Variants in PRKG1 observed in about 807,000 individuals in gnomAD.
PRKG1 encodes the protein protein kinase cGMP-dependent 1.
In PRKG1, 35 loss-of-function variants were observed where a neutral mutation model predicts 88.1. That is an observed-to-expected ratio of 0.40 (90% confidence interval 0.30 to 0.53). The LOEUF is 0.53. Ranked by LOEUF, PRKG1 falls within the 20% of genes least tolerant of loss-of-function variation. The pLI, the probability that PRKG1 is intolerant of heterozygous loss-of-function variation, is 0.59. For missense variants in PRKG1, 540 were observed against 839.8 expected, an observed-to-expected ratio of 0.64 and a Z score of 4.41; for synonymous variants, 303 against 292.5, an observed-to-expected ratio of 1.04 and a Z score of -0.37.
At chr10:51,716,147 C>G (rs952952681) in intron 3 of PRKG1, among the ~76,000 whole-genome samples, 1 of 152,228 alleles carries the variant, frequency 6.6e-6, no homozygotes, top group Non-Finnish European at 1.5e-5. Context: ...GCTGCTACTA[C>G]TGCTTGCTTC....
intron 2 of PRKG1, among the ~76,000 whole-genome samples, chr10:51,370,176 A>G (rs1000013243): frequency 6.6e-6 from 1 of 152,122 alleles, no homozygotes; most frequent in Non-Finnish European, 1.5e-5. Context: ...TGTGAGCCAG[A>G]GCTCCCTGCT....
At chr10:51,740,424 A>G (rs1432287276) in intron 3 of PRKG1, among the ~76,000 whole-genome samples, 19 of 152,370 alleles carry the variant, frequency 1.2e-4, no homozygotes, top group Admixed American at 4.6e-4. Flanking sequence ...TAACAAAACT[A>G]TTACATGTCA....
chr10:51,848,527 G>A (rs1433425580), intron 4 of PRKG1, among the ~76,000 whole-genome samples: 1 of 152,032 alleles, frequency 6.6e-6, no homozygotes, highest in Non-Finnish European at 1.5e-5. Context: ...GTTCTCAGAT[G>A]CCATCTAAAC....
intron 4 of PRKG1, among the ~76,000 whole-genome samples, chr10:51,874,744 T>C (rs1841250977): frequency 6.6e-6 from 1 of 152,208 alleles, no homozygotes; most frequent in Non-Finnish European, 1.5e-5. Context: ...TTTGTTTTTC[T>C]CCCTAGAAAA....
chr10:52,030,626 C>G (rs1487611200), intron 5 of PRKG1, among the ~76,000 whole-genome samples: 1 of 152,126 alleles, frequency 6.6e-6, no homozygotes, highest in Non-Finnish European at 1.5e-5. Flanking sequence ...AGGGAAGAAA[C>G]AGAGGAACTC....
rs180896215 is a variant in PRKG1 at position 51,218,830 on chromosome 10, A to C, written c.478+65500A>C. 1.7e-3 allele frequency among the ~76,000 whole-genome samples: 260 copies of C among 152,066 alleles called. 2 individuals carry two copies. Among genetic ancestry groups the C allele is most frequent in the African/African-American group, 6.0e-3 (247 of 41,498 alleles). ...CATAATTAATATCAATAAATATCAA[A>C]GAAAGGAAGGAGAGAGGGAGGGAGT... is the stretch of plus-strand genomic sequence containing the variant. On this transcript the variant is annotated intron_variant, in intron 2 of 17. Coordinates refer to ENST00000373980, the MANE Select transcript of PRKG1 (RefSeq NM_006258.4).
At chr10:52,186,610 T>G (rs2132742522) in intron 9 of PRKG1, among the ~76,000 whole-genome samples, 1 of 152,172 alleles carries the variant, frequency 6.6e-6, no homozygotes, top group Non-Finnish European at 1.5e-5. Context: ...TCTTGTACAT[T>G]GTAGCATGTT....
chr10:51,520,562 T>C (rs772501786), intron 3 of PRKG1, among the ~76,000 whole-genome samples: 1 of 152,034 alleles, frequency 6.6e-6, no homozygotes, highest in Non-Finnish European at 1.5e-5. Flanking sequence ...ATAATAAACA[T>C]TTTTAGATGA....
intron 1 of PRKG1, among the ~76,000 whole-genome samples, chr10:51,046,389 A>G (rs997205148): frequency 2.6e-5 from 4 of 152,346 alleles, no homozygotes; most frequent in African/African-American, 9.6e-5. Flanking sequence ...AAGAGAAGGC[A>G]GTGCTGGCAT....
chr10:51,206,883 A>G lies in PRKG1; in HGVS notation c.478+53553A>G, dbSNP rs186942960. ...GAAATCAAGTGATAGTAGTGATAGTATATCATTCATATGATACATTCAGCC... is the reference window on the plus strand; with the variant it reads ...GAAATCAAGTGATAGTAGTGATAGTGTATCATTCATATGATACATTCAGCC... On this transcript the variant is annotated intron_variant, in intron 2 of 17. Transcript: ENST00000373980. Among the ~76,000 whole-genome samples, 141 of 152,334 alleles carry G rather than the reference A, an allele frequency of 9.3e-4. 1 individual carries two copies. The highest frequency in any genetic ancestry group is 3.1e-3 in the African/African-American group (128 of 41,576).
intron 1 of PRKG1, among the ~76,000 whole-genome samples, chr10:51,151,950 A>G (rs1846083847): frequency 6.6e-6 from 1 of 152,014 alleles, no homozygotes; most frequent in South Asian, 2.1e-4. Context: ...GGAAATGAGG[A>G]CTAAGGTCAG....
Position 51,440,747 on chromosome 10 carries a change from G to A in PRKG1, c.479-26976G>A, listed in dbSNP as rs77056417. ...TTTGTCAATCCAATGCTTCCGCCAT[G>A]GTGAAATGCTATTGCATTTTTCTGC... is the stretch of plus-strand genomic sequence containing the variant. On this transcript the variant is annotated intron_variant, in intron 2 of 17. Coordinates refer to ENST00000373980, the MANE Select transcript of PRKG1 (RefSeq NM_006258.4). Among the ~76,000 whole-genome samples the A allele has an allele frequency of 3.3e-3, 497 of 151,990 alleles. 2 individuals carry two copies. Among genetic ancestry groups the A allele is most frequent in the African/African-American group, 0.011 (475 of 41,510 alleles).
chr10:52,203,603 A>G (rs928859619), intron 9 of PRKG1, among the ~76,000 whole-genome samples: 4 of 152,156 alleles, frequency 2.6e-5, no homozygotes, highest in African/African-American at 9.6e-5. Context: ...GATCTATCTA[A>G]CAAGTGGTGT....
At chr10:51,584,201 C>T (rs1210837905) in intron 3 of PRKG1, among the ~76,000 whole-genome samples, 1 of 151,990 alleles carries the variant, frequency 6.6e-6, no homozygotes, top group Non-Finnish European at 1.5e-5. Context: ...ACCTAATTTG[C>T]CAAGTGCAAT....
intron 7 of PRKG1, among the ~76,000 whole-genome samples, chr10:52,082,524 A>G (rs1217575231): frequency 1.3e-5 from 2 of 152,124 alleles, no homozygotes; most frequent in African/African-American, 2.4e-5. Context: ...TGAAATTGGA[A>G]AGAGATGCAA....
At chr10:52,120,003 GAC>G (rs1177293874) in intron 7 of PRKG1, among the ~76,000 whole-genome samples, 6 of 151,458 alleles carry the variant, frequency 4.0e-5, no homozygotes, top group Admixed American at 2.6e-4. Context: ...GAGAGAGAGA[GAC>G]AGAGAGAGAG....
At chr10:51,708,546 G>A (rs779414461) in intron 3 of PRKG1, among the ~76,000 whole-genome samples, 10 of 151,758 alleles carry the variant, frequency 6.6e-5, no homozygotes, top group South Asian at 2.1e-4. Flanking sequence ...CTCCCTCTTC[G>A]CTGCATCTCT....
In PRKG1 at chr10:52,119,484, C is replaced by T. The variant is rs181511551; in HGVS notation, c.936-14356C>T. On this transcript the variant is annotated intron_variant, in intron 7 of 17. Transcript: ENST00000373980. ...GGTAAAAATCCTTTGAAATATGTGA[C>T]CATGCAACTTAACATTTTTCAAATT... Among the ~76,000 whole-genome samples the T allele has an allele frequency of 6.6e-5, 10 of 152,250 alleles. 1 individual carries two copies. In the East Asian group the frequency reaches 1.7e-3, roughly 26 times the overall value.
intron 2 of PRKG1, among the ~76,000 whole-genome samples, chr10:51,186,039 C>T (rs182236489): frequency 1.3e-5 from 2 of 151,772 alleles, no homozygotes; most frequent in East Asian, 3.9e-4. Context: ...ATTTTGTTAA[C>T]TTCCATATGC....
Sources: allele counts gnomAD v4.1 joint callset (sites outside exome capture counted in the v4.1 genomes callset), GRCh38; gene constraint gnomAD v4.1.1; transcripts MANE v1.5; gene names NCBI Gene and HGNC (gene_info 2026-07-23, HGNC 2026-07-21).